Variants in FOXP2 observed in about 807,000 individuals in gnomAD.
FOXP2 encodes forkhead box protein P2.
FOXP2 carries 12 observed loss-of-function variants against 115.8 expected under a neutral mutation model. The ratio of observed to expected loss-of-function variants is 0.10; its 90% confidence interval spans 0.07 to 0.17. The LOEUF is 0.17. Ranked by LOEUF, FOXP2 falls within the 10% of genes least tolerant of loss-of-function variation. The pLI, the probability that FOXP2 is intolerant of heterozygous loss-of-function variation, is 1.00. For missense variants in FOXP2, 629 were observed against 843.5 expected, an observed-to-expected ratio of 0.75 and a Z score of 3.15; for synonymous variants, 328 against 297.7, an observed-to-expected ratio of 1.10 and a Z score of -1.05.
chr7:114,407,654 T>A (rs1481088667), intron 2 of FOXP2, among the ~76,000 whole-genome samples: 1 of 152,152 alleles, frequency 6.6e-6, no homozygotes, highest in Admixed American at 6.6e-5. Flanking sequence ...AGGATTACAT[T>A]TATGAGCAAA....
At chr7:114,243,397 C>T (rs535790763) in intron 1 of FOXP2, among the ~76,000 whole-genome samples, 1 of 152,062 alleles carries the variant, frequency 6.6e-6, no homozygotes, top group Non-Finnish European at 1.5e-5. Flanking sequence ...AATAAGAGCC[C>T]AGGTTGATTG....
At chr7:114,109,156 T>C (rs202238368) in intron 1 of FOXP2, among the ~76,000 whole-genome samples, 1 of 151,964 alleles carries the variant, frequency 6.6e-6, no homozygotes, top group African/African-American at 2.4e-5. Context: ...AAGCAGGATA[T>C]TACAAAGAAC....
chr7:114,658,045 C>T (rs368836621), intron 10 of FOXP2, 21 bp from the exon 11 acceptor site: 1 of 1,613,290 alleles, frequency 6.2e-7, no homozygotes, highest in Non-Finnish European at 8.5e-7. Context: ...TTTTTCCTGC[C>T]CTTCTCTTGG....
intron 2 of FOXP2, among the ~76,000 whole-genome samples, chr7:114,391,750 T>C (rs1792607684): frequency 6.6e-6 from 1 of 152,222 alleles, no homozygotes; most frequent in Non-Finnish European, 1.5e-5. Context: ...CTAAGAATTA[T>C]CAACTGATCT....
Position 114,691,438 on chromosome 7 carries a change from C to T in FOXP2, c.*1512C>T, listed in dbSNP as rs1410625841. On this transcript the variant is annotated 3_prime_UTR_variant, in exon 17 of 17. Transcript: ENST00000350908. ...CAAACCAAAGTTACATATAATTCTGCCTCTGCTTATACGGGATATTAACAC... is the reference window on the plus strand; with the variant it reads ...CAAACCAAAGTTACATATAATTCTGTCTCTGCTTATACGGGATATTAACAC... The T allele has an allele frequency of 2.2e-6, 1 of 453,902 alleles. No individual in the cohort carries two copies. The highest frequency in any genetic ancestry group is 1.6e-5 in the South Asian group (1 of 64,468). 28.1% of individuals were successfully genotyped at this position (453,902 alleles called of 1,614,324 possible).
intron 3 of FOXP2, among the ~76,000 whole-genome samples, chr7:114,595,305 T>G (rs545699741): frequency 1.3e-5 from 2 of 152,148 alleles, no homozygotes; most frequent in East Asian, 1.9e-4. Context: ...ATTTTCCTAT[T>G]TTCTAGAACC....
chr7:114,419,748 C>CACACACACACACACACACACACACA (rs1293473534), intron 1 of FOXP2: 139 of 145,366 alleles, frequency 9.6e-4, no homozygotes, highest in African/African-American at 3.4e-3. Context: ...ACACACACAC[C>CACACACACACACACACACACACACA]CCAGAAAGGA....
Position 114,492,321 on chromosome 7 carries a change from G to A in FOXP2, c.169-42296G>A, listed in dbSNP as rs566469297. The stretch of plus-strand genomic sequence containing the variant: ...CTCTCTTTCCTTCTTTATTAGTCTC[G>A]CTAGCGGTCTATCAATTTTGTTGAT... On this transcript the variant is annotated intron_variant, in intron 2 of 16. Transcript: ENST00000350908. 1.3e-4 allele frequency among the ~76,000 whole-genome samples: 19 copies of A among 151,738 alleles called. No individual in the cohort carries two copies. In the South Asian group the frequency reaches 1.9e-3, roughly 15 times the overall value.
intron 3 of FOXP2, among the ~76,000 whole-genome samples, chr7:114,613,189 A>G (rs1803725257): frequency 6.6e-6 from 1 of 152,164 alleles, no homozygotes. Flanking sequence ...AATTAACAAT[A>G]TATTTATGTT....
At chr7:114,121,480 A>G (rs987816017) in intron 1 of FOXP2, among the ~76,000 whole-genome samples, 6 of 152,184 alleles carry the variant, frequency 3.9e-5, no homozygotes, top group African/African-American at 7.2e-5. Context: ...AGTCTATAGG[A>G]AATCTAATTG....
upstream of FOXP2, among the ~76,000 whole-genome samples, chr7:114,158,747 A>G (rs1792740670): frequency 6.6e-6 from 1 of 152,160 alleles, no homozygotes; most frequent in African/African-American, 2.4e-5. Flanking sequence ...TGGGATTACA[A>G]ATGAGAGACC....
At chr7:114,228,258 T>C (rs938784982) in intron 1 of FOXP2, among the ~76,000 whole-genome samples, 1 of 151,954 alleles carries the variant, frequency 6.6e-6, no homozygotes, top group Non-Finnish European at 1.5e-5. Context: ...CTACTAGGAA[T>C]TTTTTGTGTT....
chr7:114,658,025 TGTCTC>T, intron 10 of FOXP2, 36 bp from the exon 11 acceptor site: 1 of 1,609,560 alleles, frequency 6.2e-7, no homozygotes, highest in Non-Finnish European at 8.5e-7. Flanking sequence ...CTTTTTCTCT[TGTCTC>T]TACCTTTTTC....
chr7:114,088,564 A>G (rs1562960213), intron 1 of FOXP2, among the ~76,000 whole-genome samples: 1 of 152,244 alleles, frequency 6.6e-6, no homozygotes, highest in Non-Finnish European at 1.5e-5. Context: ...GGCTCTCCTA[A>G]CTCAAATAGT....
In FOXP2 at chr7:114,309,569, G is replaced by A. The variant is rs150654314; in HGVS notation, c.-11+21460G>A. 2.7e-3 allele frequency among the ~76,000 whole-genome samples: 407 copies of A among 152,248 alleles called. 2 individuals are homozygous for A. The highest frequency in any genetic ancestry group is 9.2e-3 in the African/African-American group (384 of 41,534). Reference sequence around the variant, plus strand: ...CAGCATCTTAATTCTAATTGATCTCGTCAGAGAACAGGCTTTAGGCACCTT... The same window carrying A: ...CAGCATCTTAATTCTAATTGATCTCATCAGAGAACAGGCTTTAGGCACCTT... On this transcript the variant is annotated intron_variant, in intron 2 of 17. Transcript: ENST00000634411.
chr7:114,410,069 TG>T (rs1793127003), upstream of FOXP2, among the ~76,000 whole-genome samples: 1 of 152,138 alleles, frequency 6.6e-6, no homozygotes, highest in Non-Finnish European at 1.5e-5. Context: ...GCCTGTTATT[TG>T]GGGGGCAGTT....
intron 3 of FOXP2, among the ~76,000 whole-genome samples, chr7:114,599,119 A>T (rs1030873151): frequency 1.3e-5 from 2 of 149,740 alleles, no homozygotes; most frequent in Non-Finnish European, 3.0e-5. Flanking sequence ...TGGTGAATGG[A>T]TGTGGGGACA....
At chr7:114,463,711 G>C (rs1795680259) in intron 2 of FOXP2, among the ~76,000 whole-genome samples, 1 of 152,158 alleles carries the variant, frequency 6.6e-6, no homozygotes, top group South Asian at 2.1e-4. Context: ...GACTAGATTA[G>C]TTTGGTGGTA....
At chr7:114,364,736 G>A (rs1238315656) in intron 2 of FOXP2, among the ~76,000 whole-genome samples, 1 of 152,090 alleles carries the variant, frequency 6.6e-6, no homozygotes, top group East Asian at 1.9e-4. Flanking sequence ...TTTTGAGGAA[G>A]GTGATGGGCA....
Sources: gnomAD v4.1 joint callset for allele counts (sites outside exome capture counted in the v4.1 genomes callset) on GRCh38, gnomAD v4.1.1 for gene constraint, MANE v1.5 for transcripts, NCBI Gene and HGNC (gene_info 2026-07-23, HGNC 2026-07-21) for gene names.